The following PHRF1 variants were observed in gnomAD, a reference collection of about 807,000 sequenced individuals.
The protein encoded by PHRF1 is PHD and ring finger domains 1.
A neutral mutation model predicts 128.9 loss-of-function variants in PHRF1; 53 were observed. The ratio of observed to expected loss-of-function variants is 0.41; its 90% CI spans 0.33 to 0.52. The LOEUF is 0.52. Ranked by LOEUF, PHRF1 falls within the 20% of genes least tolerant of loss-of-function variation. PHRF1 has a pLI of 0.21. For missense variants in PHRF1, 2,503 were observed against 2,284.5 expected (o/e 1.10, Z -1.95); for synonymous variants, 1,178 against 980.6 (o/e 1.20, Z -3.76).
At position 598,386 on chromosome 11, in the gene PHRF1, G is replaced by T; in HGVS notation, c.908G>T (p.Arg303Leu). 1 of 1,609,638 alleles carries T rather than the reference G, an allele frequency of 6.2e-7. No individual in the cohort carries two copies. Among genetic ancestry groups the T allele is most frequent in the Non-Finnish European group, 8.5e-7 (1 of 1,179,762 alleles). The change falls in exon 9 of 18, where the codon CGC (arginine) becomes CTC (leucine). Residue 303 changes from arginine to leucine, a missense_variant. Arg to Leu is a moderately radical substitution (Grantham distance 102). Transcript: ENST00000264555. ...CTTTGCCTGTAGCACACACCAGGGC[G>T]CCTCGGGTCTTCCCTGCTGGATGAA... ...TARRVQHTPG[R>L]LGSSLLDEAI...
chr11:607,825 A>C lies in PHRF1; in HGVS notation c.2369A>C (p.Gln790Pro). The C allele has an allele frequency of 6.2e-7, 1 of 1,612,802 alleles. No individual in the cohort carries two copies. The highest frequency in any genetic ancestry group is 1.1e-5 in the South Asian group (1 of 91,082). ...NIPGNMAHSS[Q>P]LSSPGFCNTF... Reference sequence around the variant, plus strand: ...CCTGGAAACATGGCACATTCCAGCCAGCTCTCCAGCCCTGGCTTCTGTAAC... The same window carrying C: ...CCTGGAAACATGGCACATTCCAGCCCGCTCTCCAGCCCTGGCTTCTGTAAC... The change falls in exon 14 of 18, where the codon CAG (glutamine) becomes CCG (proline). Residue 790 changes from glutamine to proline, a missense_variant. Gln to Pro is a moderately conservative substitution (Grantham distance 76, BLOSUM62 -1). Transcript: ENST00000264555.
chr11:590,244 G>A (rs902658474), intron 4 of PHRF1, among the ~76,000 whole-genome samples: 2 of 152,240 alleles, frequency 1.3e-5, no homozygotes, highest in African/African-American at 4.8e-5. Flanking sequence ...GGTGTCACAC[G>A]TACAACCTCA....
At chr11:593,739 C>T (rs893334918) in intron 6 of PHRF1, among the ~76,000 whole-genome samples, 6 of 152,230 alleles carry the variant, frequency 3.9e-5, no homozygotes, top group Non-Finnish European at 7.3e-5. Flanking sequence ...CCTTGCAGTG[C>T]GCTCCGCCGG....
At chr11:583,552 G>A (rs1247093807) in intron 3 of PHRF1, among the ~76,000 whole-genome samples, 4 of 152,202 alleles carry the variant, frequency 2.6e-5, no homozygotes, top group African/African-American at 4.8e-5. Flanking sequence ...CTTACAATTG[G>A]CTGATGGTTG....
In PHRF1 at chr11:597,299, C is replaced by G; in HGVS notation, c.719-96C>G. 2.0e-6 allele frequency: 3 copies of G among 1,467,502 alleles called. No individual in the cohort carries two copies. The highest frequency in any genetic ancestry group is 1.3e-5 in the South Asian group (1 of 74,878). The allele number at this position is 1,467,502 out of a possible 1,614,324, so 90.9% of individuals were successfully genotyped here. ...GGTCCTGTGCACAGGTCAGCCCGAG[C>G]CAGGGCTGCTACTTGGCCGGCAGCC... On this transcript the variant is annotated intron_variant, in intron 7 of 17. Transcript: ENST00000264555. The surrounding 1 kb of genome is among the most constrained non-coding windows in gnomAD (Gnocchi z 6.5).
chr11:582,927 G>A (rs185053145), intron 3 of PHRF1, among the ~76,000 whole-genome samples: 3,328 of 151,510 alleles, frequency 0.022, 67 homozygotes, highest in South Asian at 0.085. Flanking sequence ...CCAGCTACTC[G>A]GAAGGCTGAG....
At chr11:583,617 GT>G (rs1854351047) in intron 3 of PHRF1, among the ~76,000 whole-genome samples, 2 of 152,236 alleles carry the variant, frequency 1.3e-5, no homozygotes, top group African/African-American at 4.8e-5. Context: ...TCTGCGCTGG[GT>G]GTGGTGGCCC....
chr11:609,896 G>T (rs927337070), intron 14 of PHRF1, among the ~76,000 whole-genome samples, 176 bp downstream of exon 14: 6 of 151,866 alleles, frequency 4.0e-5, no homozygotes, highest in African/African-American at 1.5e-4. Flanking sequence ...TCTGACTCCT[G>T]TCAAGGACAG....
chr11:593,219 G>T (rs114849320), intron 6 of PHRF1, among the ~76,000 whole-genome samples: 2 of 152,236 alleles, frequency 1.3e-5, no homozygotes, highest in Non-Finnish European at 2.9e-5. Context: ...GTAAGCAGAT[G>T]CCCCCTTCCC....
chr11:590,451 C>G (rs1203452542), intron 4 of PHRF1, among the ~76,000 whole-genome samples: 1 of 152,138 alleles, frequency 6.6e-6, no homozygotes, highest in Non-Finnish European at 1.5e-5. Flanking sequence ...CCAGGGAAGA[C>G]GTACCTAACC....
chr11:587,601 C>G, intron 4 of PHRF1, 137 bp downstream of exon 4: 4 of 866,552 alleles, frequency 4.6e-6, no homozygotes, highest in Non-Finnish European at 5.3e-6. Context: ...AGGATTGAGT[C>G]TGGCTTGGTC....
At chr11:596,350 G>T (rs1198846063) in intron 6 of PHRF1, among the ~76,000 whole-genome samples, 1 of 152,194 alleles carries the variant, frequency 6.6e-6, no homozygotes, top group Non-Finnish European at 1.5e-5. Context: ...TTTCCTTTCA[G>T]CAAAGAAACC....
In PHRF1 at chr11:598,400, C is replaced by G. The variant is rs1418706706; in HGVS notation, c.922C>G (p.Leu308Val). Residue 308 changes from leucine (L) to valine (V), a missense_variant, in exon 9 of 18, where the codon CTG becomes GTG. Transcript: ENST00000264555. ...CACACCAGGGCGCCTCGGGTCTTCC[C>G]TGCTGGATGAAGCCATCGAGGCTGT... is the stretch of plus-strand genomic sequence containing the variant. ...QHTPGRLGSSLLDEAIEAVAT... is the reference protein window; with the variant it reads ...QHTPGRLGSSVLDEAIEAVAT... The G allele has an allele frequency of 1.2e-6, 2 of 1,610,840 alleles. No homozygotes were observed. Among genetic ancestry groups the G allele is most frequent in the Middle Eastern group, 1.7e-4 (1 of 6,054 alleles).
intron 4 of PHRF1, among the ~76,000 whole-genome samples, chr11:590,888 A>G (rs1289663165): frequency 6.6e-6 from 1 of 152,070 alleles, no homozygotes; most frequent in Non-Finnish European, 1.5e-5. Context: ...TTTTTAGTAG[A>G]GGCGGGGTTT....
At position 597,476 on chromosome 11, in the gene PHRF1, CAGGTAGGACCCGGGCGAT is replaced by C; in HGVS notation, c.803_820del (p.Gly268_Ile273del). 1 of 1,612,736 alleles carries C rather than the reference CAGGTAGGACCCGGGCGAT, an allele frequency of 6.2e-7. No homozygotes were observed. Among genetic ancestry groups the C allele is most frequent in the Non-Finnish European group, 8.5e-7 (1 of 1,179,584 alleles). On this transcript the variant is annotated inframe_deletion, in exon 8 of 18. Coordinates refer to ENST00000264555, the MANE Select transcript of PHRF1 (RefSeq NM_001286581.2). The surrounding 1 kb of genome is among the most constrained non-coding windows in gnomAD (Gnocchi z 6.5). Reference sequence around the variant, plus strand: ...ACCACCAGCAGGCTTCGGCCTCGAGCAGGTAGGACCCGGGCGATAGCCAGGACACGGCAGAGTGAGAGA... The same window carrying C: ...ACCACCAGCAGGCTTCGGCCTCGAGCAGCCAGGACACGGCAGAGTGAGAGA...
At chr11:578,729 C>T (rs1306887748) in intron 1 of PHRF1, among the ~76,000 whole-genome samples, 1 of 152,204 alleles carries the variant, frequency 6.6e-6, no homozygotes. Flanking sequence ...CCACACCTAC[C>T]TGGTTTTTAA....
Position 606,424 on chromosome 11 carries a change from T to G in PHRF1, c.1455-18T>G. 6.5e-7 allele frequency: 1 copy of G among 1,536,858 alleles called. No individual in the cohort carries two copies. Among genetic ancestry groups the G allele is most frequent in the Non-Finnish European group, 8.7e-7 (1 of 1,146,656 alleles). The stretch of plus-strand genomic sequence containing the variant: ...CGTGGGAGGCAGTGACGGCAGGGCC[T>G]TGGGTCTGTGCCCACAGGAGGCGCC... On this transcript the variant is annotated intron_variant, in intron 12 of 17. Coordinates refer to ENST00000264555, the MANE Select transcript of PHRF1 (RefSeq NM_001286581.2).
chr11:607,393 C>T lies in PHRF1; in HGVS notation c.1937C>T (p.Ala646Val), dbSNP rs756569593. 14 of 1,612,844 alleles carry T rather than the reference C, an allele frequency of 8.7e-6. No homozygotes were observed. In the South Asian group the frequency reaches 9.9e-5, roughly 11 times the overall value. ...CACACCTTGCCCCTTGCCTCTGCCG[C>T]GTCTAAGATCTCAAGCAGAGATTCT... is the stretch of plus-strand genomic sequence containing the variant. ...NKHTLPLASA[A>V]SKISSRDSKP... Residue 646 changes from alanine to valine, a missense_variant, in exon 14 of 18, where the codon GCG (alanine) becomes GTG (valine). Transcript: ENST00000264555.
At position 611,998 on chromosome 11, in the gene PHRF1, G is replaced by C. The variant is rs900198833; in HGVS notation, c.*221G>C. On this transcript the variant is annotated 3_prime_UTR_variant, in exon 18 of 18. Transcript: ENST00000264555. ...TCACAGTTGAAAACTGGACACTTTT[G>C]TATGTATATTATAGAGACACTGTTT... The C allele has an allele frequency of 4.6e-6, 3 of 645,952 alleles. No homozygotes were observed. The highest frequency in any genetic ancestry group is 7.8e-6 in the Non-Finnish European group (3 of 382,558). The allele number at this position is 645,952 out of a possible 1,614,324, so 40.0% of individuals were successfully genotyped here. A position where few individuals can be genotyped will look rare whatever the true frequency, so the allele number is the denominator to read the frequency against.
Sources: gnomAD v4.1 joint callset for allele counts (sites outside exome capture counted in the v4.1 genomes callset) on GRCh38, gnomAD v4.1.1 for gene constraint, Gnocchi (gnomAD v3.1) non-coding constraint, MANE v1.5 for transcripts, NCBI Gene and HGNC (gene_info 2026-07-23, HGNC 2026-07-21) for gene names.